Variants in SGK3 observed in about 807,000 individuals in gnomAD.
SGK3 encodes the protein serum/glucocorticoid regulated kinase family member 3, also known as serine/threonine-protein kinase Sgk3.
SGK3 carries 47 observed loss-of-function variants against 68.5 expected under a neutral mutation model. The observed-to-expected ratio is 0.69, with a 90% CI of 0.54 to 0.87. The LOEUF (loss-of-function observed/expected upper bound fraction) is 0.87. Ranked by LOEUF, SGK3 falls within the 40% of genes least tolerant of loss-of-function variation. SGK3 has a pLI of 0.00. For missense variants in SGK3, 479 were observed against 575.5 expected, an observed-to-expected ratio of 0.83 and a Z score of 1.72; for synonymous variants, 181 against 189.1, an observed-to-expected ratio of 0.96 and a Z score of 0.35.
intron 10 of SGK3, among the ~76,000 whole-genome samples, chr8:66,838,950 G>A (rs948670323): frequency 1.3e-5 from 2 of 152,266 alleles, no homozygotes; most frequent in Non-Finnish European, 2.9e-5. Flanking sequence ...CTTGGCAGAT[G>A]AGCAAGCCTC....
chr8:66,797,502 C>T lies in SGK3; in HGVS notation c.97-1040C>T, dbSNP rs772653490. 7.9e-5 allele frequency among the ~76,000 whole-genome samples: 12 copies of T among 152,208 alleles called. No homozygotes were observed. In the South Asian group the frequency reaches 1.9e-3, roughly 24 times the overall value. ...AAAGGGCCAGATTACCATCCTGCAG[C>T]TCATGTAGGGTGTCTCATGTATAGT... On this transcript the variant is annotated intron_variant, in intron 2 of 16. Coordinates refer to ENST00000521198, the MANE Select transcript of SGK3 (RefSeq NM_001033578.3).
chr8:66,787,965 G>A (rs1308319803), intron 1 of SGK3, among the ~76,000 whole-genome samples: 1 of 152,160 alleles, frequency 6.6e-6, no homozygotes, highest in African/African-American at 2.4e-5. Flanking sequence ...TGCCCACTGG[G>A]AAGATTTCCC....
intron 4 of SGK3, 21 bp from the exon 5 acceptor site, chr8:66,813,832 T>C (rs1808475604): frequency 1.3e-6 from 2 of 1,551,234 alleles, no homozygotes; most frequent in Non-Finnish European, 1.7e-6. Context: ...ATAATCCTAA[T>C]AGTTTATATC....
chr8:66,768,118 A>G, intron 1 of SGK3: 1 of 424,704 alleles, frequency 2.4e-6, no homozygotes, highest in South Asian at 2.3e-5. Flanking sequence ...CTTATAGGAT[A>G]TATCTTACAA....
intron 15 of SGK3, among the ~76,000 whole-genome samples, chr8:66,849,468 G>A (rs941112134): frequency 4.6e-5 from 7 of 152,028 alleles, no homozygotes; most frequent in African/African-American, 1.7e-4. Context: ...TAGCCCCACT[G>A]CTACTACTCT....
intron 1 of SGK3, among the ~76,000 whole-genome samples, chr8:66,755,825 G>A (rs1805958128): frequency 6.6e-6 from 1 of 152,104 alleles, no homozygotes; most frequent in Admixed American, 6.5e-5. Context: ...GTATTAACAG[G>A]GTAAGTGTAG....
chr8:66,790,039 C>G (rs1807373317), intron 1 of SGK3, among the ~76,000 whole-genome samples: 1 of 152,064 alleles, frequency 6.6e-6, no homozygotes, highest in South Asian at 2.1e-4. Flanking sequence ...GATTGCGCCA[C>G]TGCACTGCAG....
intron 1 of SGK3, among the ~76,000 whole-genome samples, chr8:66,734,232 T>C (rs58437630): frequency 6.4e-4 from 91 of 141,542 alleles, no homozygotes; most frequent in African/African-American, 1.1e-3. Context: ...TTCTTTCTTT[T>C]TTTTTTTTTT....
intron 1 of SGK3, among the ~76,000 whole-genome samples, chr8:66,773,066 A>G (rs1806568604): frequency 6.6e-6 from 1 of 152,190 alleles, no homozygotes; most frequent in Admixed American, 6.5e-5. Flanking sequence ...GGTAGCTAGG[A>G]CTGAGAAGAG....
chr8:66,830,863 C>T (rs1352910812), intron 7 of SGK3, among the ~76,000 whole-genome samples: 1 of 152,120 alleles, frequency 6.6e-6, no homozygotes, highest in Admixed American at 6.6e-5. Context: ...GAATGTATCA[C>T]TTATTTATAT....
chr8:66,859,328 T>C, intron 16 of SGK3, 83 bp from the exon 17 acceptor site: 7 of 1,373,506 alleles, frequency 5.1e-6, no homozygotes, highest in Non-Finnish European at 6.7e-6. Context: ...TGTGAGACTC[T>C]GTCTCAAATA....
At chr8:66,762,509 G>A (rs936022336) in intron 1 of SGK3, among the ~76,000 whole-genome samples, 4 of 151,894 alleles carry the variant, frequency 2.6e-5, no homozygotes, top group Non-Finnish European at 5.9e-5. Flanking sequence ...GAGTGAGACC[G>A]CGTCTCAAAA....
At chr8:66,817,596 C>A (rs1490293355) in intron 5 of SGK3, among the ~76,000 whole-genome samples, 1 of 151,912 alleles carries the variant, frequency 6.6e-6, no homozygotes, top group Non-Finnish European at 1.5e-5. Context: ...CAAGTTATCT[C>A]CCCCCTCGGC....
intron 16 of SGK3, among the ~76,000 whole-genome samples, chr8:66,857,799 ATGTGTGTGTGTGTGTGTGTGTGTGTG>A (rs111758415): frequency 7.5e-6 from 1 of 133,716 alleles, no homozygotes; most frequent in Non-Finnish European, 1.6e-5. Context: ...GTGTGTGTGT[ATGTGTGTGTGTGTGTGTGTGTGTGTG>A]TGTGTGTGTG....
In SGK3 at chr8:66,846,199, A is replaced by T. The variant is rs1292582961; in HGVS notation, c.1075-994A>T. Among the ~76,000 whole-genome samples the T allele has an allele frequency of 5.3e-5, 8 of 152,336 alleles. No individual in the cohort carries two copies. The East Asian group carries it at 1.5e-3, about 29-fold the overall frequency. ...TGGACACATTAATTCAAAAGGAAGTAGTTTTGTAGGTTACATATTACAACC... is the reference window on the plus strand; with the variant it reads ...TGGACACATTAATTCAAAAGGAAGTTGTTTTGTAGGTTACATATTACAACC... On this transcript the variant is annotated intron_variant, in intron 14 of 16. Coordinates refer to ENST00000521198, the MANE Select transcript of SGK3 (RefSeq NM_001033578.3).
intron 5 of SGK3, among the ~76,000 whole-genome samples, chr8:66,820,892 G>A (rs1808784412): frequency 6.6e-6 from 1 of 151,972 alleles, no homozygotes; most frequent in African/African-American, 2.4e-5. Flanking sequence ...TTTTTGTGGA[G>A]ACAGAGTCTT....
intron 1 of SGK3, among the ~76,000 whole-genome samples, chr8:66,770,694 T>C (rs1806481034): frequency 6.6e-6 from 1 of 152,222 alleles, no homozygotes; most frequent in Non-Finnish European, 1.5e-5. Flanking sequence ...ATATGTTTTT[T>C]TCTTTGCTGT....
chr8:66,828,040 C>T (rs1205385484), intron 6 of SGK3, among the ~76,000 whole-genome samples: 2 of 151,608 alleles, frequency 1.3e-5, no homozygotes, highest in South Asian at 2.1e-4. Flanking sequence ...AGGAGAATGA[C>T]GTGAAGCGGG....
chr8:66,817,346 G>T (rs775131513), intron 5 of SGK3, among the ~76,000 whole-genome samples: 1 of 151,674 alleles, frequency 6.6e-6, no homozygotes, highest in Admixed American at 6.6e-5. Context: ...TAGGAGAATC[G>T]CCTGAACCTG....
Sources: allele counts gnomAD v4.1 joint callset (sites outside exome capture counted in the v4.1 genomes callset), GRCh38; gene constraint gnomAD v4.1.1; transcripts MANE v1.5; gene names NCBI Gene and HGNC (gene_info 2026-07-23, HGNC 2026-07-21).